Variants in SMAD9 observed in about 807,000 individuals in gnomAD.
SMAD9 encodes the protein MAD homolog 9.
SMAD9 carries 36 observed loss-of-function variants against 46.1 expected under a neutral mutation model. The observed-to-expected ratio is 0.78, with a 90% CI of 0.60 to 1.03. SMAD9 has a LOEUF of 1.03. SMAD9 is among the 50% of genes least tolerant of loss of function. SMAD9 has a pLI of 0.00. For missense variants in SMAD9, 572 were observed against 599.8 expected (o/e 0.95, Z 0.48); for synonymous variants, 245 against 237.1 (o/e 1.03, Z -0.31).
At chr13:36,901,824 T>C (rs1243971607) in intron 1 of SMAD9, among the ~76,000 whole-genome samples, 1 of 152,224 alleles carries the variant, frequency 6.6e-6, no homozygotes, top group Non-Finnish European at 1.5e-5. Flanking sequence ...TCTATTCAAG[T>C]CCCTTGCCCA....
intron 1 of SMAD9, among the ~76,000 whole-genome samples, chr13:36,899,929 C>T (rs557313940): frequency 5.3e-5 from 8 of 152,266 alleles, no homozygotes; most frequent in African/African-American, 1.9e-4. Context: ...TCTTTCCCTG[C>T]TCCAATCTCT....
rs947144193 is a variant in SMAD9 at position 36,846,771 on chromosome 13, A to C, written c.*1905T>G. 1 of 152,276 alleles carries C rather than the reference A, an allele frequency of 6.6e-6. No homozygotes were observed. Among genetic ancestry groups the C allele is most frequent in the Admixed American group, 6.5e-5 (1 of 15,290 alleles). The allele number at this position is 152,276 out of a possible 1,614,324, so 9.4% of individuals were successfully genotyped here. A position where few individuals can be genotyped will look rare whatever the true frequency, so the allele number is the denominator to read the frequency against. On this transcript the variant is annotated 3_prime_UTR_variant, in exon 7 of 7. Coordinates refer to ENST00000379826, the MANE Select transcript of SMAD9 (RefSeq NM_001127217.3). ...TGCAGAAGAGTAAGGAAATAATTTC[A>C]AAACAGAGATAAGAAATCAATCACA...
intron 1 of SMAD9, among the ~76,000 whole-genome samples, chr13:36,902,997 A>G (rs1338712820): frequency 6.6e-6 from 1 of 152,196 alleles, no homozygotes; most frequent in African/African-American, 2.4e-5. Flanking sequence ...GGATGGGAGT[A>G]TAAGAAGCGT....
chr13:36,885,627 A>G (rs2058438797), intron 1 of SMAD9, among the ~76,000 whole-genome samples: 1 of 151,896 alleles, frequency 6.6e-6, no homozygotes, highest in South Asian at 2.1e-4. Flanking sequence ...ATGAAGGGTC[A>G]GTTCTAGTTT....
chr13:36,918,522 GA>G (rs1399585300), intron 1 of SMAD9, among the ~76,000 whole-genome samples: 1 of 152,194 alleles, frequency 6.6e-6, no homozygotes, highest in Admixed American at 6.5e-5. Flanking sequence ...TTGTTTTTCG[GA>G]TACAGTACTT....
intron 5 of SMAD9, among the ~76,000 whole-genome samples, chr13:36,856,220 G>A (rs566018218): frequency 3.3e-5 from 5 of 152,148 alleles, no homozygotes; most frequent in African/African-American, 9.7e-5. Flanking sequence ...TTTTCAAGAG[G>A]GAAAGCAGGT....
In SMAD9 at chr13:36,872,777, G is replaced by C. The variant is rs1200075122; in HGVS notation, c.551C>G (p.Pro184Arg). 2 of 1,614,090 alleles carry C rather than the reference G, an allele frequency of 1.2e-6. No individual in the cohort carries two copies. Among genetic ancestry groups the C allele is most frequent in the Non-Finnish European group, 1.7e-6 (2 of 1,180,030 alleles). ...TGAGGGAGGGAGTGCAGAGCACGGAGGCTGCTGGAAAGAGTCAGGATAGGT... is the reference window on the plus strand; with the variant it reads ...TGAGGGAGGGAGTGCAGAGCACGGACGCTGCTGGAAAGAGTCAGGATAGGT... ...NATYPDSFQQ[P>R]PCSALPPSPS... The change falls in exon 3 of 7, where the codon CCT becomes CGT. Residue 184 changes from proline to arginine, a missense_variant. By Grantham distance (103) the Pro-to-Arg change is moderately radical (BLOSUM62 -2). Coordinates refer to ENST00000379826, the MANE Select transcript of SMAD9 (RefSeq NM_001127217.3).
At position 36,872,574 on chromosome 13, in the gene SMAD9, G is replaced by T. The variant is rs9576126; in HGVS notation, c.670+84C>A. 308,409 of 1,439,258 alleles carry T rather than the reference G, an allele frequency of 0.21. 34,438 individuals are homozygous for T. Among genetic ancestry groups the T allele is most frequent in the East Asian group, 0.36 (15,637 of 43,952 alleles). 89.2% of individuals were successfully genotyped at this position (1,439,258 alleles called of 1,614,324 possible). A position where few individuals can be genotyped will look rare whatever the true frequency, so the allele number is the denominator to read the frequency against. ...ATACTATATGAATGACAGTTACAAT[G>T]ACTGTCATTGTGACTGTTCATCATA... On this transcript the variant is annotated intron_variant, in intron 3 of 6. Coordinates refer to ENST00000379826, the MANE Select transcript of SMAD9 (RefSeq NM_001127217.3).
At chr13:36,850,122 A>G (rs2058062746) in intron 6 of SMAD9, 1 of 152,224 alleles carries the variant, frequency 6.6e-6, no homozygotes, top group African/African-American at 2.4e-5. Context: ...TGTCAAGATC[A>G]AAAAAGGCCT....
chr13:36,852,325 A>G, intron 6 of SMAD9: 2 of 985,408 alleles, frequency 2.0e-6, no homozygotes, highest in Non-Finnish European at 2.4e-6. Flanking sequence ...GAATCATGGC[A>G]GTAAGAAAAC....
intron 2 of SMAD9, among the ~76,000 whole-genome samples, chr13:36,878,038 A>G (rs1429489804): frequency 1.3e-5 from 2 of 152,220 alleles, no homozygotes; most frequent in Non-Finnish European, 2.9e-5. Context: ...GTGAAATGCC[A>G]CAGAAACACT....
chr13:36,892,295 G>A lies in SMAD9; in HGVS notation c.-186-12420C>T, dbSNP rs543315856. ...TATGTCAATTTAGTCACTGAATGTAGATGAACAAGTAGATTTTTATGTGCT... is the reference window on the plus strand; with the variant it reads ...TATGTCAATTTAGTCACTGAATGTAAATGAACAAGTAGATTTTTATGTGCT... On this transcript the variant is annotated intron_variant, in intron 1 of 6. Transcript: ENST00000379826. Among the ~76,000 whole-genome samples, 30 of 152,298 alleles carry A rather than the reference G, an allele frequency of 2.0e-4. No individual in the cohort carries two copies. The South Asian group carries it at 3.9e-3, about 20-fold the overall frequency.
chr13:36,920,830 C>G (rs925091433), upstream of SMAD9: 7 of 152,232 alleles, frequency 4.6e-5, no homozygotes, highest in African/African-American at 1.7e-4. Context: ...GATCCTGTCC[C>G]CATGGACAGT....
chr13:36,920,205 G>GGCA lies in SMAD9; in HGVS notation c.-277_-276insTGC, dbSNP rs1566047322. ...CTGCAGCAGCGGCGGCGGCGGCGGC[G>GGCA]GCGGCGGCGGCCCCAGCCGGCGTCA... On this transcript the variant is annotated 5_prime_UTR_variant, in exon 1 of 7. Coordinates refer to ENST00000379826, the MANE Select transcript of SMAD9 (RefSeq NM_001127217.3). 1.8e-5 allele frequency: 3 copies of GGCA among 164,806 alleles called. No homozygotes were observed. The highest frequency in any genetic ancestry group is 7.3e-5 in the African/African-American group (3 of 40,982). The allele number at this position is 164,806 out of a possible 1,614,324, so 10.2% of individuals were successfully genotyped here.
At chr13:36,859,750 C>T (rs1020553961) in intron 5 of SMAD9, among the ~76,000 whole-genome samples, 20 of 152,182 alleles carry the variant, frequency 1.3e-4, no homozygotes, top group African/African-American at 4.3e-4. Context: ...TGCCGGAGGT[C>T]GGGAGTTTGA....
At chr13:36,848,852 CCA>C in intron 6 of SMAD9, 33 bp from the exon 7 acceptor site, 1 of 1,609,022 alleles carries the variant, frequency 6.2e-7, no homozygotes, top group Non-Finnish European at 8.5e-7. Flanking sequence ...AGTGATGGTG[CCA>C]CACTTACACT....
intron 1 of SMAD9, among the ~76,000 whole-genome samples, chr13:36,919,608 C>T (rs1423186964): frequency 1.1e-4 from 16 of 151,018 alleles, no homozygotes; most frequent in African/African-American, 3.6e-4. Flanking sequence ...TGTCCGCTGT[C>T]CCCTATCTCC....
intron 1 of SMAD9, among the ~76,000 whole-genome samples, chr13:36,883,975 T>C (rs1457260711): frequency 6.6e-6 from 1 of 152,164 alleles, no homozygotes; most frequent in African/African-American, 2.4e-5. Flanking sequence ...AGGGTGTTTC[T>C]GAGCGATGGG....
chr13:36,856,318 A>G (rs1456017582), intron 5 of SMAD9, among the ~76,000 whole-genome samples: 3 of 152,368 alleles, frequency 2.0e-5, no homozygotes, highest in African/African-American at 2.4e-5. Flanking sequence ...AACCTATTAC[A>G]TAAGATAAAT....
Sources: gnomAD v4.1 joint callset for allele counts (sites outside exome capture counted in the v4.1 genomes callset) on GRCh38, gnomAD v4.1.1 for gene constraint, MANE v1.5 for transcripts, NCBI Gene and HGNC (gene_info 2026-07-23, HGNC 2026-07-21) for gene names.